SH3BP2: variants seen among roughly 807,000 people sequenced by gnomAD.
SH3BP2 encodes SH3 domain binding protein 2, also known as SH3 domain-binding protein 2.
Under a neutral mutation model 56.2 loss-of-function variants are expected in SH3BP2, and 38 were observed. The ratio of observed to expected loss-of-function variants is 0.68; its 90% CI spans 0.52 to 0.89. SH3BP2 has a LOEUF of 0.89. SH3BP2 is among the 40% of genes least tolerant of loss of function. The pLI, the probability that SH3BP2 is intolerant of heterozygous loss-of-function variation, is 0.00. For synonymous variants in SH3BP2, 346 were observed against 316.7 expected (o/e 1.09, Z -0.98); for missense variants, 748 against 762.6 (o/e 0.98, Z 0.23).
At chr4:2,807,120 C>G (rs1261865216) in intron 1 of SH3BP2, among the ~76,000 whole-genome samples, 1 of 152,268 alleles carries the variant, frequency 6.6e-6, no homozygotes, top group Non-Finnish European at 1.5e-5. Context: ...AGTGCACCAG[C>G]CTTTCTCTGT....
intron 1 of SH3BP2, chr4:2,799,046 G>C (rs1303990548): frequency 1.0e-6 from 1 of 985,520 alleles, no homozygotes; most frequent in East Asian, 1.1e-4. Flanking sequence ...CGAGGCCTCC[G>C]GGCTGATTAG....
intron 1 of SH3BP2, among the ~76,000 whole-genome samples, chr4:2,811,213 C>A (rs1723735263): frequency 6.6e-6 from 1 of 152,200 alleles, no homozygotes. Context: ...TGACCCGACA[C>A]CTAGGCTATG....
chr4:2,814,966 G>A (rs1316382427), intron 1 of SH3BP2: 5 of 152,328 alleles, frequency 3.3e-5, no homozygotes, highest in Non-Finnish European at 7.3e-5. Context: ...TTAACCATCA[G>A]GTCCCTGGAA....
intron 2 of SH3BP2, among the ~76,000 whole-genome samples, chr4:2,821,901 T>C (rs998585487): frequency 6.6e-6 from 1 of 152,108 alleles, no homozygotes; most frequent in Non-Finnish European, 1.5e-5. Context: ...GGAGTCTTGC[T>C]CTGTTGCCCA....
chr4:2,818,556 C>T (rs1228569789), intron 1 of SH3BP2, among the ~76,000 whole-genome samples: 1 of 152,174 alleles, frequency 6.6e-6, no homozygotes, highest in Non-Finnish European at 1.5e-5. Flanking sequence ...TCCCGGCGGG[C>T]GGATGGGGGA....
In SH3BP2 at chr4:2,823,289, C is replaced by T. The variant is rs183234249; in HGVS notation, c.239+252C>T. ...GGCTTTGTGCACAAGTCCCAGAGGC[C>T]TGGACAGCCTGCTCTCCAGAGTCTC... On this transcript the variant is annotated intron_variant, in intron 3 of 12. Coordinates refer to ENST00000503393, the MANE Select transcript of SH3BP2 (RefSeq NM_001122681.2). 1,105 of 571,708 alleles carry T rather than the reference C, an allele frequency of 1.9e-3. 36 individuals are homozygous for T. The East Asian group carries it at 0.038, about 20-fold the overall frequency. The allele number at this position is 571,708 out of a possible 1,614,324, so 35.4% of individuals were successfully genotyped here.
intron 1 of SH3BP2, among the ~76,000 whole-genome samples, chr4:2,806,269 GGT>G (rs1723530436): frequency 6.6e-6 from 1 of 152,214 alleles, no homozygotes; most frequent in Non-Finnish European, 1.5e-5. Context: ...TGGGGCATAG[GGT>G]GCCCAGGCTG....
At chr4:2,798,898 C>A in intron 1 of SH3BP2, 1 of 843,612 alleles carries the variant, frequency 1.2e-6, no homozygotes, top group Non-Finnish European at 1.4e-6. Context: ...AGGGCAGGGA[C>A]AGGAAGTGCA....
intron 1 of SH3BP2, chr4:2,814,684 G>A (rs1723917005): frequency 6.6e-6 from 1 of 152,278 alleles, no homozygotes; most frequent in East Asian, 1.9e-4. Flanking sequence ...AGCAGCTGCA[G>A]AGGTGTCAGG....
In SH3BP2 at chr4:2,830,056, C is replaced by G; in HGVS notation, c.1150C>G (p.Arg384Gly). The G allele has an allele frequency of 1.2e-6, 2 of 1,611,768 alleles. No homozygotes were observed. The highest frequency in any genetic ancestry group is 1.7e-6 in the Non-Finnish European group (2 of 1,179,714). ...ACTCTTTGTGCCCCCCGTGGCTCCC[C>G]GGCCTCCTGCGCTGAAGCTGCCAGT... ...PGLFVPPVAPRPPALKLPVPE... is the reference protein window; with the variant it reads ...PGLFVPPVAPGPPALKLPVPE... The change falls in exon 8 of 13, where the codon CGG becomes GGG. Residue 384 changes from arginine (R) to glycine (G), a missense_variant. This residue lies in a region of SH3BP2 where 635 missense variants were observed against 615.0 expected (regional missense o/e 1.03). Transcript: ENST00000503393.
chr4:2,812,066 G>T lies in SH3BP2; in HGVS notation c.-4-8548G>T, dbSNP rs552401546. 43 of 840,402 alleles carry T rather than the reference G, an allele frequency of 5.1e-5. No homozygotes were observed. In the African/African-American group the frequency reaches 6.8e-4, roughly 13 times the overall value. The allele number at this position is 840,402 out of a possible 1,614,324, so 52.1% of individuals were successfully genotyped here. On this transcript the variant is annotated intron_variant, in intron 1 of 12. Coordinates refer to ENST00000503393, the MANE Select transcript of SH3BP2 (RefSeq NM_001122681.2). Reference sequence around the variant, plus strand: ...CTCCCAGGGATGCAGCTGACCTTGCGCTGGAGCCAGAGAGCCCTGGCCTCT... The same window carrying T: ...CTCCCAGGGATGCAGCTGACCTTGCTCTGGAGCCAGAGAGCCCTGGCCTCT...
intron 2 of SH3BP2, among the ~76,000 whole-genome samples, chr4:2,822,665 C>T (rs545402561): frequency 3.9e-5 from 6 of 152,370 alleles, no homozygotes; most frequent in African/African-American, 1.4e-4. Context: ...CCACACAGCC[C>T]CCCAAATCTA....
Position 2,840,234 on chromosome 4 carries a change from C to CAAAAAAAAAAAAAAA in SH3BP2, c.*6406_*6420dup, listed in dbSNP as rs568332811. On this transcript the variant is annotated 3_prime_UTR_variant, in exon 13 of 13. Transcript: ENST00000503393. ...AGTGAGACCCTATCTCAAAAAAAAC[C>CAAAAAAAAAAAAAAA]AAAAAAAAAAAAAAAAAAAAGAAAA... 1 of 82,818 alleles carries CAAAAAAAAAAAAAAA rather than the reference C, an allele frequency of 1.2e-5. No individual in the cohort carries two copies. The highest frequency in any genetic ancestry group is 2.2e-5 in the Non-Finnish European group (1 of 44,564). The allele number at this position is 82,818 out of a possible 1,614,324, so 5.1% of individuals were successfully genotyped here. A position where few individuals can be genotyped will look rare whatever the true frequency, so the allele number is the denominator to read the frequency against.
At chr4:2,798,281 T>G (rs888681626) in intron 1 of SH3BP2, among the ~76,000 whole-genome samples, 1 of 152,230 alleles carries the variant, frequency 6.6e-6, no homozygotes, top group Non-Finnish European at 1.5e-5. Flanking sequence ...GTGTGTTGGC[T>G]TGAGATTGGA....
At chr4:2,797,110 A>G (rs1723091442) in intron 1 of SH3BP2, among the ~76,000 whole-genome samples, 1 of 152,140 alleles carries the variant, frequency 6.6e-6, no homozygotes, top group South Asian at 2.1e-4. Flanking sequence ...GTTGTAATCT[A>G]GTGATGCTCT....
chr4:2,827,661 C>A lies in SH3BP2; in HGVS notation c.573C>A (p.Pro191=). ...ACCTGGAGCCTGACTCCCCGGAGCC[C>A]GGAAGGCTTGAGGGTAGGTGGGGCG... The part of the protein sequence containing the change: ...DSYLEPDSPE[P]GRLEDALMHP... Residue 191 remains proline, a synonymous_variant, in exon 7 of 13, where the codon CCC becomes CCA. Transcript: ENST00000503393. The A allele has an allele frequency of 7.4e-7, 1 of 1,344,438 alleles. No individual in the cohort carries two copies. The highest frequency in any genetic ancestry group is 1.4e-5 in the African/African-American group (1 of 70,256). 83.3% of individuals were successfully genotyped at this position (1,344,438 alleles called of 1,614,324 possible). A position where few individuals can be genotyped will look rare whatever the true frequency, so the allele number is the denominator to read the frequency against.
intron 2 of SH3BP2, among the ~76,000 whole-genome samples, chr4:2,822,136 A>T (rs769032065): frequency 6.6e-6 from 1 of 152,126 alleles, no homozygotes; most frequent in Non-Finnish European, 1.5e-5. Flanking sequence ...AAGTTCTGGG[A>T]TTACAGGCAT....
At chr4:2,817,335 C>T (rs1370570332) in intron 1 of SH3BP2, among the ~76,000 whole-genome samples, 6 of 152,082 alleles carry the variant, frequency 3.9e-5, no homozygotes, top group East Asian at 1.9e-4. Context: ...CCTGGCAGGG[C>T]GGCTGGAAGG....
chr4:2,824,988 C>G lies in SH3BP2; in HGVS notation c.358-138C>G. On this transcript the variant is annotated intron_variant, in intron 4 of 12. Transcript: ENST00000503393. ...CCCCTGTGGGCTGAGGGGAGCCACACAGCCATGTTGTATCCAGCCGGGTCG... is the reference window on the plus strand; with the variant it reads ...CCCCTGTGGGCTGAGGGGAGCCACAGAGCCATGTTGTATCCAGCCGGGTCG... The G allele has an allele frequency of 4.9e-6, 4 of 817,180 alleles. No homozygotes were observed. The South Asian group carries it at 5.9e-5, about 12-fold the overall frequency. The allele number at this position is 817,180 out of a possible 1,614,324, so 50.6% of individuals were successfully genotyped here. A position where few individuals can be genotyped will look rare whatever the true frequency, so the allele number is the denominator to read the frequency against.
Sources: gnomAD v4.1 joint callset for allele counts (sites outside exome capture counted in the v4.1 genomes callset) on GRCh38, gnomAD v4.1.1 for gene constraint, gnomAD v4.1.1 regional missense constraint, MANE v1.5 for transcripts, NCBI Gene and HGNC (gene_info 2026-07-23, HGNC 2026-07-21) for gene names.